The following EMC7 variants were observed in gnomAD, a reference collection of about 807,000 sequenced individuals.
EMC7 encodes the protein endoplasmic reticulum membrane protein complex subunit 7.
In EMC7, 4 loss-of-function variants were observed where a neutral mutation model predicts 24.4. The ratio of observed to expected loss-of-function variants is 0.16; its 90% CI spans 0.08 to 0.38. The LOEUF (loss-of-function observed/expected upper bound fraction) is 0.38. Ranked by LOEUF, EMC7 falls within the 10% of genes least tolerant of loss-of-function variation. The probability of loss-of-function intolerance (pLI) is 1.00; values close to 1 mark genes in which losing one functional copy is unlikely to be tolerated. For synonymous variants in EMC7, 106 were observed against 112.0 expected, an observed-to-expected ratio of 0.95 and a Z score of 0.34; for missense variants, 221 against 300.6, an observed-to-expected ratio of 0.74 and a Z score of 1.96.
At chr15:34,090,602 A>G in intron 2 of EMC7, 147 bp from the exon 3 acceptor site, 1 of 871,466 alleles carries the variant, frequency 1.1e-6, no homozygotes, top group Non-Finnish European at 1.6e-6. Context: ...GATCTTGAAA[A>G]TCTGACCAAA....
intron 3 of EMC7, 79 bp from the exon 4 acceptor site, chr15:34,088,212 T>C (rs1414630436): frequency 1.5e-5 from 18 of 1,201,966 alleles, no homozygotes; most frequent in Middle Eastern, 2.0e-4. Context: ...TAACAACCAA[T>C]GGTAAAATTA....
intron 4 of EMC7, among the ~76,000 whole-genome samples, chr15:34,084,953 TG>T (rs1900854106): frequency 6.6e-6 from 1 of 151,938 alleles, no homozygotes; most frequent in Admixed American, 6.6e-5. Context: ...TGATTCTGCT[TG>T]TCTTAATAAA....
chr15:34,085,170 C>A (rs1900857826), intron 4 of EMC7, among the ~76,000 whole-genome samples: 1 of 152,182 alleles, frequency 6.6e-6, no homozygotes, highest in Middle Eastern at 3.4e-3. Flanking sequence ...TCTAAGAATT[C>A]ATTTATAAGC....
chr15:34,099,302 A>AAT (rs1194927730), intron 1 of EMC7, among the ~76,000 whole-genome samples: 1 of 152,192 alleles, frequency 6.6e-6, no homozygotes, highest in Non-Finnish European at 1.5e-5. Flanking sequence ...AAAAGTATAG[A>AAT]ATATAATATT....
chr15:34,097,214 T>C (rs923401913), intron 1 of EMC7, among the ~76,000 whole-genome samples: 1 of 151,956 alleles, frequency 6.6e-6, no homozygotes, highest in East Asian at 1.9e-4. Flanking sequence ...TTTGTATTTT[T>C]AGTAGAGACG....
At chr15:34,091,105 G>C (rs8041507) in intron 2 of EMC7, among the ~76,000 whole-genome samples, 1 of 152,206 alleles carries the variant, frequency 6.6e-6, no homozygotes, top group East Asian at 1.9e-4. Context: ...CACTTCATCA[G>C]ACTTCTGCTC....
intron 4 of EMC7, 44 bp downstream of exon 4, chr15:34,088,005 CTCTA>C (rs768437459): frequency 6.6e-7 from 1 of 1,507,230 alleles, no homozygotes; most frequent in East Asian, 2.3e-5. Flanking sequence ...GCAACAGAGG[CTCTA>C]TCTCTTAAAA....
At chr15:34,090,972 C>T (rs551402610) in intron 2 of EMC7, among the ~76,000 whole-genome samples, 3 of 152,298 alleles carry the variant, frequency 2.0e-5, no homozygotes, top group South Asian at 2.1e-4. Flanking sequence ...TCACCAAAGA[C>T]GCACTAATTT....
intron 4 of EMC7, among the ~76,000 whole-genome samples, chr15:34,086,559 G>A (rs1427187617): frequency 6.6e-6 from 1 of 152,068 alleles, no homozygotes; most frequent in Non-Finnish European, 1.5e-5. Context: ...CTCCCAAGTA[G>A]CTCAGATTAC....
intron 1 of EMC7, among the ~76,000 whole-genome samples, chr15:34,096,464 C>T (rs1375989386): frequency 2.0e-5 from 3 of 152,098 alleles, no homozygotes; most frequent in Non-Finnish European, 2.9e-5. Context: ...AGCCACTGTG[C>T]CGGCCTTCAG....
intron 1 of EMC7, among the ~76,000 whole-genome samples, chr15:34,097,210 T>G (rs577162989): frequency 1.3e-5 from 2 of 151,956 alleles, no homozygotes; most frequent in Admixed American, 1.3e-4. Flanking sequence ...ATTTTTTGTA[T>G]TTTTAGTAGA....
At chr15:34,099,411 T>C (rs1043130823) in intron 1 of EMC7, among the ~76,000 whole-genome samples, 1 of 152,238 alleles carries the variant, frequency 6.6e-6, no homozygotes, top group Non-Finnish European at 1.5e-5. Flanking sequence ...ATTGTGATGA[T>C]AGCAAGAAAT....
Position 34,101,834 on chromosome 15 carries a change from C to T in EMC7, c.6G>A (p.Ala2=), listed in dbSNP as rs1437403166. 2 of 1,602,926 alleles carry T rather than the reference C, an allele frequency of 1.2e-6. No individual in the cohort carries two copies. The highest frequency in any genetic ancestry group is 4.5e-5 in the East Asian group (2 of 44,842). Residue 2 remains alanine, a synonymous_variant, in exon 1 of 5, where the codon GCG becomes GCA. Coordinates refer to ENST00000256545, the MANE Select transcript of EMC7 (RefSeq NM_020154.3). M[A]AALWGFFPVL... ...CGGGAAAGAAGCCCCACAGAGCGGC[C>T]GCCATGACAGCAGCTCTGCACTCAG...
At chr15:34,084,913 C>A (rs1352325020) in intron 4 of EMC7, among the ~76,000 whole-genome samples, 1 of 150,928 alleles carries the variant, frequency 6.6e-6, no homozygotes, top group East Asian at 2.0e-4. Flanking sequence ...CACCCCACAA[C>A]AGGCCCTGTG....
intron 2 of EMC7, among the ~76,000 whole-genome samples, chr15:34,091,932 T>C (rs1280082670): frequency 6.6e-6 from 1 of 152,188 alleles, no homozygotes; most frequent in East Asian, 1.9e-4. Context: ...ATCCCACATA[T>C]ATTCAAAACT....
chr15:34,093,806 C>CACACACACACACACACACATAT (rs61440619), intron 2 of EMC7, among the ~76,000 whole-genome samples: 12 of 30,230 alleles, frequency 4.0e-4, no homozygotes, highest in African/African-American at 8.7e-4. Context: ...CACACACACA[C>CACACACACACACACACACATAT]ATATATATAT....
rs531416581 is a variant in EMC7 at position 34,089,531 on chromosome 15, A to C, written c.495+786T>G. ...ATCATAACATCGGTTCATAATGCCA[A>C]CTACTTAAATTACCATAGAATAACT... On this transcript the variant is annotated intron_variant, in intron 3 of 4. Coordinates refer to ENST00000256545, the MANE Select transcript of EMC7 (RefSeq NM_020154.3). Among the ~76,000 whole-genome samples the C allele has an allele frequency of 2.0e-5, 3 of 152,376 alleles. No individual in the cohort carries two copies. The East Asian group carries it at 5.8e-4, about 29-fold the overall frequency.
Position 34,101,710 on chromosome 15 carries a change from G to C in EMC7, c.130C>G (p.Arg44Gly). 2 of 1,613,572 alleles carry C rather than the reference G, an allele frequency of 1.2e-6. No individual in the cohort carries two copies. The highest frequency in any genetic ancestry group is 1.7e-6 in the Non-Finnish European group (2 of 1,179,936). ...ACTGCACGCCCCTCAATCTTGAAGC[G>C]ATCTCCTATGCCGACCCCACTCCCT... ...SGGSGVGIGD[R>G]FKIEGRAVVP... The change falls in exon 1 of 5, where the codon CGC becomes GGC. Residue 44 changes from arginine (R) to glycine (G), a missense_variant. Physicochemically the swap from Arg to Gly is moderately radical, Grantham distance 125. This residue lies in a region of EMC7 where 156 missense variants were observed against 177.1 expected (regional missense o/e 0.88). Coordinates refer to ENST00000256545, the MANE Select transcript of EMC7 (RefSeq NM_020154.3).
chr15:34,098,006 C>G (rs1901106890), intron 1 of EMC7, among the ~76,000 whole-genome samples: 1 of 151,716 alleles, frequency 6.6e-6, no homozygotes, highest in African/African-American at 2.4e-5. Context: ...AAGTGTCACT[C>G]CAGAGCACAC....
Sources: allele counts gnomAD v4.1 joint callset (sites outside exome capture counted in the v4.1 genomes callset), GRCh38; gene constraint gnomAD v4.1.1; regional missense constraint gnomAD v4.1.1; transcripts MANE v1.5; gene names NCBI Gene and HGNC (gene_info 2026-07-23, HGNC 2026-07-21).